The following SLC39A10 variants were observed in gnomAD, a reference collection of about 807,000 sequenced individuals.
The protein encoded by SLC39A10 is zinc transporter ZIP10.
SLC39A10 carries 13 observed loss-of-function variants against 65.1 expected under a neutral mutation model. The observed-to-expected ratio is 0.20, with a 90% confidence interval of 0.13 to 0.32. SLC39A10 has a LOEUF of 0.32. Among genes scored for constraint, SLC39A10 ranks in the 10% least tolerant of loss-of-function variants. SLC39A10 has a pLI of 1.00. For missense variants in SLC39A10, 831 were observed against 1,018.4 expected (o/e 0.82, Z 2.50); for synonymous variants, 321 against 342.2 (o/e 0.94, Z 0.68).
intron 3 of SLC39A10, among the ~76,000 whole-genome samples, chr2:195,694,260 G>T (rs573749530): frequency 6.9e-4 from 105 of 152,274 alleles, no homozygotes; most frequent in African/African-American, 2.4e-3. Flanking sequence ...CTGATGAATA[G>T]AATGTATATT....
intron 6 of SLC39A10, among the ~76,000 whole-genome samples, chr2:195,715,480 C>T (rs1222066937): frequency 5.4e-4 from 77 of 143,260 alleles, no homozygotes; most frequent in Non-Finnish European, 1.0e-3. Flanking sequence ...GAGCCAAGAT[C>T]GCGCCATTGC....
intron 5 of SLC39A10, 61 bp downstream of exon 5, chr2:195,708,905 T>C (rs1691504142): frequency 1.7e-6 from 2 of 1,208,010 alleles, no homozygotes; most frequent in Non-Finnish European, 2.3e-6. Context: ...ATTATCCTTT[T>C]CTGGGTATAT....
chr2:195,712,588 C>G (rs1691640064), intron 5 of SLC39A10, among the ~76,000 whole-genome samples: 1 of 152,038 alleles, frequency 6.6e-6, no homozygotes. Flanking sequence ...CAACAGTGTT[C>G]TAGAATAATT....
At chr2:195,734,692 T>C (rs1033732267) in intron 9 of SLC39A10, among the ~76,000 whole-genome samples, 191 bp from the exon 10 acceptor site, 1 of 152,222 alleles carries the variant, frequency 6.6e-6, no homozygotes, top group South Asian at 2.1e-4. Flanking sequence ...TAGTATTTCC[T>C]AGCAAAAGCA....
At position 195,717,357 on chromosome 2, in the gene SLC39A10, A is replaced by G. The variant is rs532904058; in HGVS notation, c.2065+352A>G. On this transcript the variant is annotated intron_variant, in intron 7 of 9. Coordinates refer to ENST00000359634, the MANE Select transcript of SLC39A10 (RefSeq NM_020342.3). ...CAATCCTAGGTTTAATAAATTTGCC[A>G]TATCTTTGAAAAAGCAAAAAAAAAA... 9.7e-4 allele frequency: 169 copies of G among 174,422 alleles called. 2 individuals carry two copies. The highest frequency in any genetic ancestry group is 3.8e-3 in the African/African-American group (160 of 42,338). The allele number at this position is 174,422 out of a possible 1,614,324, so 10.8% of individuals were successfully genotyped here.
At chr2:195,614,332 A>G (rs932455899) in intron 2 of SLC39A10, among the ~76,000 whole-genome samples, 2 of 152,234 alleles carry the variant, frequency 1.3e-5, no homozygotes, top group Non-Finnish European at 2.9e-5. Context: ...TATTGTAATT[A>G]TAATCCTGGC....
At chr2:195,626,424 T>C (rs933779512) in intron 2 of SLC39A10, among the ~76,000 whole-genome samples, 1 of 152,194 alleles carries the variant, frequency 6.6e-6, no homozygotes, top group Admixed American at 6.5e-5. Flanking sequence ...CCTGTCTTGA[T>C]TGTCTGACTA....
intron 2 of SLC39A10, among the ~76,000 whole-genome samples, chr2:195,628,568 T>C (rs906349662): frequency 6.6e-6 from 1 of 152,170 alleles, no homozygotes; most frequent in Non-Finnish European, 1.5e-5. Context: ...ACATACATTC[T>C]AGTGGAAAGA....
chr2:195,661,928 G>A (rs901425571), intron 1 of SLC39A10, among the ~76,000 whole-genome samples: 1 of 152,090 alleles, frequency 6.6e-6, no homozygotes, highest in South Asian at 2.1e-4. Flanking sequence ...TGAAAGGGAG[G>A]TATCAGATAA....
chr2:195,704,236 T>A (rs1001644419), intron 3 of SLC39A10, among the ~76,000 whole-genome samples: 2 of 152,216 alleles, frequency 1.3e-5, no homozygotes, highest in African/African-American at 4.8e-5. Flanking sequence ...AAGTTCTTAA[T>A]TGAAGTTGCT....
At chr2:195,618,796 A>T (rs1688283306) in intron 2 of SLC39A10, among the ~76,000 whole-genome samples, 1 of 152,166 alleles carries the variant, frequency 6.6e-6, no homozygotes, top group Non-Finnish European at 1.5e-5. Flanking sequence ...TACATGTGTT[A>T]AGAGAAAGGA....
Position 195,680,584 on chromosome 2 carries a change from A to G in SLC39A10, c.542A>G (p.His181Arg). The change falls in exon 2 of 10, where the codon CAC becomes CGC. Residue 181 changes from histidine (H) to arginine (R), a missense_variant. Transcript: ENST00000359634. ...GACCATAATCACCGCCTACGTCATC[A>G]CCATCGTTTGCATCATCATCTTGAT... ...MHDHNHRLRHHHRLHHHLDHN... is the reference protein window; with the variant it reads ...MHDHNHRLRHRHRLHHHLDHN... The G allele has an allele frequency of 6.2e-7, 1 of 1,614,160 alleles. No individual in the cohort carries two copies. The highest frequency in any genetic ancestry group is 8.5e-7 in the Non-Finnish European group (1 of 1,180,034).
intron 5 of SLC39A10, among the ~76,000 whole-genome samples, chr2:195,712,343 C>G (rs1320455936): frequency 1.3e-5 from 2 of 152,200 alleles, no homozygotes; most frequent in Non-Finnish European, 1.5e-5. Context: ...AATTCCAGGG[C>G]AGGGGGGTAG....
chr2:195,718,075 TTACA>T (rs1359528145), intron 7 of SLC39A10, among the ~76,000 whole-genome samples, 173 bp from the exon 8 acceptor site: 26 of 152,240 alleles, frequency 1.7e-4, no homozygotes, highest in African/African-American at 6.3e-4. Flanking sequence ...TCTCTAGTTG[TTACA>T]TACTTATTAT....
At chr2:195,703,628 T>C (rs1691282581) in intron 3 of SLC39A10, among the ~76,000 whole-genome samples, 1 of 152,158 alleles carries the variant, frequency 6.6e-6, no homozygotes, top group African/African-American at 2.4e-5. Context: ...TGATTTAAGT[T>C]TTCTTTTCAT....
chr2:195,719,557 A>G (rs1423932503), intron 8 of SLC39A10, among the ~76,000 whole-genome samples: 1 of 152,048 alleles, frequency 6.6e-6, no homozygotes, highest in Non-Finnish European at 1.5e-5. Flanking sequence ...ATGATTTCCA[A>G]ACAGCAATAT....
At chr2:195,676,994 CTTG>C (rs1690116599) in intron 1 of SLC39A10, among the ~76,000 whole-genome samples, 1 of 152,092 alleles carries the variant, frequency 6.6e-6, no homozygotes, top group Non-Finnish European at 1.5e-5. Context: ...TTTTATATGT[CTTG>C]TTCTAATTAA....
intron 1 of SLC39A10, among the ~76,000 whole-genome samples, chr2:195,665,696 T>C (rs1430866143): frequency 6.6e-6 from 1 of 152,208 alleles, no homozygotes; most frequent in Non-Finnish European, 1.5e-5. Flanking sequence ...GTCTGTTCCT[T>C]TCATATTCTG....
chr2:195,716,918 G>A lies in SLC39A10; in HGVS notation c.1978G>A (p.Asp660Asn), dbSNP rs186318919. The change falls in exon 7 of 10, where the codon GAT becomes AAT. Residue 660 changes from aspartate (D) to asparagine (N), a missense_variant. Coordinates refer to ENST00000359634, the MANE Select transcript of SLC39A10 (RefSeq NM_020342.3). ...CCATGGCCCCTGTCATTCTGGATCC[G>A]ATCTGAAAGAAACAGGAATAGCTAA... is the stretch of plus-strand genomic sequence containing the variant. ...HSHGPCHSGS[D>N]LKETGIANIA... 7 of 1,614,174 alleles carry A rather than the reference G, an allele frequency of 4.3e-6. No homozygotes were observed. The highest frequency in any genetic ancestry group is 3.3e-5 in the South Asian group (3 of 91,084).
Sources: allele counts gnomAD v4.1 joint callset (sites outside exome capture counted in the v4.1 genomes callset), GRCh38; gene constraint gnomAD v4.1.1; transcripts MANE v1.5; gene names NCBI Gene and HGNC (gene_info 2026-07-23, HGNC 2026-07-21).